CYP27A1: variants seen among roughly 807,000 people sequenced by gnomAD.
CYP27A1 encodes the protein cytochrome P450 family 27 subfamily A member 1, also known as sterol 26-hydroxylase, mitochondrial.
A neutral mutation model predicts 58.2 loss-of-function variants in CYP27A1; 46 were observed. That is an observed-to-expected ratio of 0.79 (90% confidence interval 0.62 to 1.01). CYP27A1 has a LOEUF of 1.01. Among genes scored for constraint, CYP27A1 ranks in the 50% least tolerant of loss-of-function variants. CYP27A1 has a pLI of 0.00. For missense variants in CYP27A1, 704 were observed against 687.0 expected, an observed-to-expected ratio of 1.02 and a Z score of -0.28; for synonymous variants, 274 against 285.1, an observed-to-expected ratio of 0.96 and a Z score of 0.39.
chr2:218,796,356 G>T (rs1359204572), intron 1 of CYP27A1, among the ~76,000 whole-genome samples: 1 of 152,230 alleles, frequency 6.6e-6, no homozygotes, highest in Non-Finnish European at 1.5e-5. Context: ...ACTTTGGGGG[G>T]CTGAGGCGGA....
At position 218,812,623 on chromosome 2, in the gene CYP27A1, T is replaced by TTCG. The variant is rs1553616276; in HGVS notation, c.721_723dup (p.Val241dup). ...ATCCATCCCCGAGGACACCGTGACCTTCGTCAGATCCATCGGGTTAATGTT... is the reference window on the plus strand; with the variant it reads ...ATCCATCCCCGAGGACACCGTGACCTTCGTCGTCAGATCCATCGGGTTAATGTT... On this transcript the variant is annotated inframe_insertion, in exon 4 of 9. Coordinates refer to ENST00000258415, the MANE Select transcript of CYP27A1 (RefSeq NM_000784.4). 1.2e-6 allele frequency: 2 copies of TTCG among 1,614,240 alleles called. No homozygotes were observed. Among genetic ancestry groups the TTCG allele is most frequent in the Non-Finnish European group, 1.7e-6 (2 of 1,180,032 alleles).
intron 1 of CYP27A1, among the ~76,000 whole-genome samples, chr2:218,795,652 G>A (rs1387441151): frequency 6.6e-6 from 1 of 152,102 alleles, no homozygotes; most frequent in African/African-American, 2.4e-5. Context: ...ATTGCTGGTT[G>A]GTTCACAGGA....
intron 1 of CYP27A1, among the ~76,000 whole-genome samples, chr2:218,799,664 C>A (rs1476196645): frequency 6.6e-6 from 1 of 152,142 alleles, no homozygotes; most frequent in Non-Finnish European, 1.5e-5. Context: ...TGAGCCAATT[C>A]TGTAAAATAA....
At chr2:218,812,148 C>A in intron 2 of CYP27A1, 74 bp from the exon 3 acceptor site, 1 of 1,158,598 alleles carries the variant, frequency 8.6e-7, no homozygotes, top group Non-Finnish European at 1.3e-6. Flanking sequence ...TGGTGGACTT[C>A]AGGGTGAGAA....
Position 218,782,281 on chromosome 2 carries a change from C to T in CYP27A1, c.99C>T (p.Ala33=), listed in dbSNP as rs967210940. ...CCAGAGCCAAGGCCGCGATCCCTGC[C>T]GCCCTCCCCTCGGACAAGGCCACCG... ...HGARAKAAIP[A]ALPSDKATGA... is the part of the protein sequence containing the mutation. Residue 33 remains alanine (A), a synonymous_variant, in exon 1 of 9, where the codon GCC becomes GCT. Coordinates refer to ENST00000258415, the MANE Select transcript of CYP27A1 (RefSeq NM_000784.4). The surrounding 1 kb of genome is among the most constrained non-coding windows in gnomAD (Gnocchi z 4.1). The T allele has an allele frequency of 6.3e-7, 1 of 1,586,136 alleles. No individual in the cohort carries two copies. Among genetic ancestry groups the T allele is most frequent in the African/African-American group, 1.3e-5 (1 of 74,320 alleles).
At chr2:218,799,796 A>G (rs7566656) in intron 1 of CYP27A1, among the ~76,000 whole-genome samples, 71,417 of 151,544 alleles carry the variant, frequency 0.47, 17,310 homozygotes, top group Non-Finnish European at 0.51. Context: ...AAATCCAGTT[A>G]AAGTAATTTT....
Position 218,812,936 on chromosome 2 carries a change from T to A in CYP27A1, c.857T>A (p.Ile286Asn), listed in dbSNP as rs768019870. 1 of 1,614,116 alleles carries A rather than the reference T, an allele frequency of 6.2e-7. No homozygotes were observed. Among genetic ancestry groups the A allele is most frequent in the African/African-American group, 1.3e-5 (1 of 74,938 alleles). ...GTTGCTTTCACAGGGAAGAAGCTGATTGATGAGAAGCTCGAAGATATGGAG... is the reference window on the plus strand; with the variant it reads ...GTTGCTTTCACAGGGAAGAAGCTGAATGATGAGAAGCTCGAAGATATGGAG... Reference protein sequence around the residue: ...NAIFSFGKKLIDEKLEDMEAQ... With the variant: ...NAIFSFGKKLNDEKLEDMEAQ... The change falls in exon 5 of 9, where the codon ATT becomes AAT. Residue 286 changes from isoleucine (I) to asparagine (N), a missense_variant. Ile to Asn is a moderately radical substitution (Grantham distance 149, BLOSUM62 -3). Transcript: ENST00000258415.
In CYP27A1 at chr2:218,809,736, C is replaced by G. The variant is rs1216685685; in HGVS notation, c.415C>G (p.Gln139Glu). The change falls in exon 2 of 9, where the codon CAG (glutamine) becomes GAG (glutamate). Residue 139 changes from glutamine (Q) to glutamate (E), a missense_variant. Physicochemically the swap from Gln to Glu is conservative, Grantham distance 29. Coordinates refer to ENST00000258415, the MANE Select transcript of CYP27A1 (RefSeq NM_000784.4). ...GGAGCTATGGAAGGAGCACCGGGAC[C>G]AGCACGACCTGACCTATGGGCCGTT... ...DMELWKEHRD[Q>E]HDLTYGPFTT... 2 of 1,613,978 alleles carry G rather than the reference C, an allele frequency of 1.2e-6. No individual in the cohort carries two copies. The highest frequency in any genetic ancestry group is 2.2e-5 in the South Asian group (2 of 91,084).
At chr2:218,807,981 A>G (rs1269158881) in intron 1 of CYP27A1, among the ~76,000 whole-genome samples, 1 of 152,162 alleles carries the variant, frequency 6.6e-6, no homozygotes, top group Non-Finnish European at 1.5e-5. Context: ...CAAATACTAT[A>G]TATTCTTATT....
rs1559384720 is a variant in CYP27A1, at chr2:218,782,688, C to T, written c.255+251C>T. Among the ~76,000 whole-genome samples the T allele has an allele frequency of 6.6e-6, 1 of 152,214 alleles. No homozygotes were observed. Among genetic ancestry groups the T allele is most frequent in the South Asian group, 2.1e-4 (1 of 4,826 alleles). On this transcript the variant is annotated intron_variant, in intron 1 of 8. Coordinates refer to ENST00000258415, the MANE Select transcript of CYP27A1 (RefSeq NM_000784.4). This position sits in a 1 kb window ranked among gnomAD's most constrained non-coding sequence, Gnocchi z 4.1. Reference sequence around the variant, plus strand: ...ACCAGTAAGGGGGGGATCTGGACGCCGGACTTACAGTGAGCAGAGGTTGAG... The same window carrying T: ...ACCAGTAAGGGGGGGATCTGGACGCTGGACTTACAGTGAGCAGAGGTTGAG...
intron 2 of CYP27A1, among the ~76,000 whole-genome samples, chr2:218,810,551 A>T (rs538749839): frequency 6.6e-6 from 1 of 152,328 alleles, no homozygotes; most frequent in South Asian, 2.1e-4. Flanking sequence ...CTGCTAACTC[A>T]TGATAAGTTT....
At chr2:218,787,458 C>T (rs1254540688) in intron 1 of CYP27A1, among the ~76,000 whole-genome samples, 2 of 152,210 alleles carry the variant, frequency 1.3e-5, no homozygotes, top group Non-Finnish European at 2.9e-5. Context: ...CTGACCCACA[C>T]TGGCCAAATC....
chr2:218,809,526 G>A, intron 1 of CYP27A1, 51 bp from the exon 2 acceptor site: 3 of 1,552,524 alleles, frequency 1.9e-6, no homozygotes, highest in Non-Finnish European at 2.7e-6. Context: ...CCTGTCCTGG[G>A]AGCACCTGCC....
chr2:218,796,702 A>G (rs1266257114), intron 1 of CYP27A1, among the ~76,000 whole-genome samples: 10 of 152,222 alleles, frequency 6.6e-5, no homozygotes, highest in Non-Finnish European at 7.3e-5. Context: ...ACGGGCATAT[A>G]GCTTACTCAA....
intron 8 of CYP27A1, 31 bp downstream of exon 8, chr2:218,814,788 G>T: frequency 6.2e-7 from 1 of 1,613,662 alleles, no homozygotes. Context: ...AGGGTGTGTG[G>T]GCAGGGAGGG....
Position 218,814,939 on chromosome 2 carries a change from C to A in CYP27A1, c.1505C>A (p.Ala502Asp), listed in dbSNP as rs140842830. Residue 502 changes from alanine to aspartate, a missense_variant, in exon 9 of 9, where the codon GCC becomes GAC. Coordinates refer to ENST00000258415, the MANE Select transcript of CYP27A1 (RefSeq NM_000784.4). ...ATCCAGAAGTACAAGGTGGTCCTGG[C>A]CCCGGAGACGGGGGAGTTGAAGAGT... The part of the protein sequence containing the change: ...RLIQKYKVVL[A>D]PETGELKSVA... 3.3e-4 allele frequency: 525 copies of A among 1,614,204 alleles called. 3 individuals carry two copies. The African/African-American group carries it at 6.4e-3, about 20-fold the overall frequency.
At chr2:218,797,566 C>A (rs1273061538) in intron 1 of CYP27A1, among the ~76,000 whole-genome samples, 1 of 152,158 alleles carries the variant, frequency 6.6e-6, no homozygotes, top group Non-Finnish European at 1.5e-5. Flanking sequence ...TTTCCAGAGA[C>A]CCTCTGAACC....
At chr2:218,794,407 G>C (rs1415454973) in intron 1 of CYP27A1, among the ~76,000 whole-genome samples, 1 of 152,232 alleles carries the variant, frequency 6.6e-6, no homozygotes, top group Non-Finnish European at 1.5e-5. Context: ...GCCATTGTCA[G>C]AGGCTCTGGT....
Position 218,809,736 on chromosome 2 carries a change from C to A in CYP27A1, c.415C>A (p.Gln139Lys), listed in dbSNP as rs1216685685. 6.2e-7 allele frequency: 1 copy of A among 1,613,860 alleles called. No homozygotes were observed. The change falls in exon 2 of 9, where the codon CAG (glutamine) becomes AAG (lysine). Residue 139 changes from glutamine (Q) to lysine (K), a missense_variant. By Grantham distance (53) the Gln-to-Lys change is moderately conservative. Transcript: ENST00000258415. ...GGAGCTATGGAAGGAGCACCGGGAC[C>A]AGCACGACCTGACCTATGGGCCGTT... ...DMELWKEHRD[Q>K]HDLTYGPFTT...
Sources: gnomAD v4.1 joint callset for allele counts (sites outside exome capture counted in the v4.1 genomes callset) on GRCh38, gnomAD v4.1.1 for gene constraint, Gnocchi (gnomAD v3.1) non-coding constraint, MANE v1.5 for transcripts, NCBI Gene and HGNC (gene_info 2026-07-23, HGNC 2026-07-21) for gene names.